PSG8: variants seen among roughly 807,000 people sequenced by gnomAD.
The protein encoded by PSG8 is pregnancy-specific beta-1-glycoprotein 8.
A neutral mutation model predicts 42.5 loss-of-function variants in PSG8; 57 were observed. That is an observed-to-expected ratio of 1.34 (90% CI 1.08 to 1.67). PSG8 has a LOEUF of 1.67. PSG8 is among the 40% of genes most tolerant of loss of function. The probability of loss-of-function intolerance (pLI) is 0.00; values close to 1 mark genes in which losing one functional copy is unlikely to be tolerated. For synonymous variants in PSG8, 280 were observed against 196.8 expected (o/e 1.42, Z -3.54); for missense variants, 783 against 518.6 (o/e 1.51, Z -4.95).
chr19:42,758,285 G>A lies in PSG8; in HGVS notation c.431-5C>T, dbSNP rs772486239. ...TGGAGGGCTTGGGAGTCTCCACTGT[G>A]CAGAAAACAGAGAGAAGATTGCCCT... On this transcript the variant is annotated splice_region_variant and splice_polypyrimidine_tract_variant and intron_variant, in intron 2 of 4. Coordinates refer to ENST00000306511, the MANE Select transcript of PSG8 (RefSeq NM_182707.3). 1.9e-6 allele frequency: 3 copies of A among 1,612,574 alleles called. No individual in the cohort carries two copies. Among genetic ancestry groups the A allele is most frequent in the East Asian group, 2.2e-5 (1 of 44,858 alleles).
downstream of PSG8, chr19:42,752,849 A>C (rs113347815): frequency 2.5e-4 from 51 of 200,014 alleles, no homozygotes; most frequent in East Asian, 1.1e-3. Context: ...AAACCATCTT[A>C]TCTGCAAACA....
At chr19:42,759,699 C>A (rs1970025788) in intron 2 of PSG8, among the ~76,000 whole-genome samples, 1 of 152,048 alleles carries the variant, frequency 6.6e-6, no homozygotes, top group Non-Finnish European at 1.5e-5. Context: ...GGAGTTTAGA[C>A]CTCATGTTAT....
At position 42,765,404 on chromosome 19, in the gene PSG8, A is replaced by C. The variant is rs144218198; in HGVS notation, c.64+114T>G. On this transcript the variant is annotated intron_variant, in intron 1 of 4. Transcript: ENST00000306511. ...CCTGATCTCATGATCCACCTGCCTC[A>C]GCCTCCCAAAGTGCTGGCTTCTTTC... 6.5e-3 allele frequency: 9,790 copies of C among 1,502,778 alleles called. 519 individuals are homozygous for C. In the African/African-American group the frequency reaches 0.12, roughly 18 times the overall value. 93.1% of individuals were successfully genotyped at this position (1,502,778 alleles called of 1,614,324 possible).
intron 1 of PSG8, 69 bp from the exon 2 acceptor site, chr19:42,764,350 G>A (rs951857120): frequency 1.3e-6 from 2 of 1,550,110 alleles, no homozygotes; most frequent in Non-Finnish European, 8.7e-7. Context: ...GGGGCCCTGG[G>A]TCCTGAGAAG....
intron 2 of PSG8, 40 bp from the exon 3 acceptor site, chr19:42,758,320 C>T (rs745881979): frequency 4.4e-6 from 7 of 1,594,544 alleles, no homozygotes; most frequent in African/African-American, 1.3e-5. Flanking sequence ...TGTGTGGCAC[C>T]TTTGATTCCT....
intron 2 of PSG8, among the ~76,000 whole-genome samples, chr19:42,763,131 C>T (rs1970119248): frequency 6.6e-6 from 1 of 152,160 alleles, no homozygotes; most frequent in African/African-American, 2.4e-5. Flanking sequence ...ACACAAATAG[C>T]ATTTATTATT....
chr19:42,757,215 G>T, intron 3 of PSG8, among the ~76,000 whole-genome samples: 1 of 151,988 alleles, frequency 6.6e-6, no homozygotes, highest in Admixed American at 6.6e-5. Context: ...TTTTGGAGCA[G>T]AAACATATTC....
intron 2 of PSG8, chr19:42,758,708 C>T (rs1347960832): frequency 9.6e-6 from 2 of 208,274 alleles, no homozygotes; most frequent in African/African-American, 2.3e-5. Flanking sequence ...CAAGGACATC[C>T]TAGAGATGGG....
chr19:42,759,478 T>G (rs1220870863), intron 2 of PSG8, among the ~76,000 whole-genome samples: 1 of 148,476 alleles, frequency 6.7e-6, no homozygotes, highest in African/African-American at 2.6e-5. Context: ...GGATTTCTAA[T>G]TTTTTTTTGT....
chr19:42,762,637 C>G (rs1339904503), intron 2 of PSG8, among the ~76,000 whole-genome samples: 1 of 151,870 alleles, frequency 6.6e-6, no homozygotes, highest in Non-Finnish European at 1.5e-5. Context: ...CTCCTTGATC[C>G]TCTCATGACA....
intron 3 of PSG8, among the ~76,000 whole-genome samples, chr19:42,757,693 A>G (rs1969961916): frequency 6.6e-6 from 1 of 152,198 alleles, no homozygotes; most frequent in African/African-American, 2.4e-5. Flanking sequence ...CTGTGAGCCA[A>G]GTCACAACAT....
Position 42,763,967 on chromosome 19 carries a change from C to T in PSG8, c.379G>A (p.Gly127Arg). 1 of 1,613,074 alleles carries T rather than the reference C, an allele frequency of 6.2e-7. No individual in the cohort carries two copies. Among genetic ancestry groups the T allele is most frequent in the East Asian group, 2.2e-5 (1 of 44,870 alleles). The stretch of plus-strand genomic sequence containing the variant: ...GTTACTCCTCTATTCTCATCACCTC[C>T]CATTATGATGTGTAAGGTGTAGGAT... ...AGSYTLHIIMGGDENRGVTGH... is the reference protein window; with the variant it reads ...AGSYTLHIIMRGDENRGVTGH... The change falls in exon 2 of 5, where the codon GGA (glycine) becomes AGA (arginine). Residue 127 changes from glycine (G) to arginine (R), a missense_variant. By Grantham distance (125) the Gly-to-Arg change is moderately radical (BLOSUM62 -2). Transcript: ENST00000306511.
rs7255419 is a variant in PSG8 at position 42,764,100 on chromosome 19, A to G, written c.246T>C (p.Tyr82=). The G allele has an allele frequency of 4.7e-4, 755 of 1,613,850 alleles. 4 individuals carry two copies. In the African/African-American group the frequency reaches 8.7e-3, roughly 19 times the overall value. The change falls in exon 2 of 5, where the codon TAT becomes TAC. Residue 82 remains tyrosine, a synonymous_variant. Coordinates refer to ENST00000306511, the MANE Select transcript of PSG8 (RefSeq NM_182707.3). ...ATATAATTATTTGACCGTCTACTAC[A>G]TATGATGTAATGTAATGGTAGAGGT... The part of the protein sequence containing the change: ...IRDLYHYITS[Y]VVDGQIIIYG...
rs766054201 is a variant in PSG8, at chr19:42,754,284, A to C, written c.*11T>G. On this transcript the variant is annotated 3_prime_UTR_variant, in exon 5 of 5. Coordinates refer to ENST00000306511, the MANE Select transcript of PSG8 (RefSeq NM_182707.3). ...TTCCTGACTCTTCCCTGAAGGCCAGATAGACTCCACCTAAATCCCTATTGC... is the reference window on the plus strand; with the variant it reads ...TTCCTGACTCTTCCCTGAAGGCCAGCTAGACTCCACCTAAATCCCTATTGC... The C allele has an allele frequency of 1.9e-6, 3 of 1,611,908 alleles. No homozygotes were observed. The highest frequency in any genetic ancestry group is 1.3e-5 in the African/African-American group (1 of 74,788).
At chr19:42,755,506 G>A in intron 3 of PSG8, 1 of 870,054 alleles carries the variant, frequency 1.1e-6, no homozygotes, top group Non-Finnish European at 1.7e-6. Context: ...CAGCAGTGTT[G>A]GGTCATGGAC....
chr19:42,757,900 A>G, intron 3 of PSG8, 102 bp downstream of exon 3: 1 of 1,612,138 alleles, frequency 6.2e-7, no homozygotes, highest in South Asian at 1.1e-5. Context: ...TCCAGGGGTA[A>G]AGGTCTCTGT....
At position 42,761,781 on chromosome 19, in the gene PSG8, C is replaced by T. The variant is rs556988754; in HGVS notation, c.430+2135G>A. ...TCCTCCTGTTTGGCAGACTTGGAGT[C>T]GTTAAAATCTTTCTTGACTAGAAAC... On this transcript the variant is annotated intron_variant, in intron 2 of 4. Coordinates refer to ENST00000306511, the MANE Select transcript of PSG8 (RefSeq NM_182707.3). 3.7e-4 allele frequency among the ~76,000 whole-genome samples: 52 copies of T among 140,268 alleles called. 1 individual carries two copies. The highest frequency in any genetic ancestry group is 9.5e-4 in the African/African-American group (36 of 37,818). 92.0% of individuals were successfully genotyped at this position (140,268 alleles called of 152,430 possible).
intron 3 of PSG8, among the ~76,000 whole-genome samples, chr19:42,756,593 G>C (rs1368195282): frequency 6.6e-6 from 1 of 151,984 alleles, no homozygotes; most frequent in East Asian, 1.9e-4. Context: ...GGCAAAAGTG[G>C]GAGGTGATAA....
chr19:42,755,534 T>A (rs1361246112), intron 3 of PSG8: 8 of 738,938 alleles, frequency 1.1e-5, no homozygotes, highest in Non-Finnish European at 1.6e-5. Context: ...TCAGTGGAAG[T>A]CACAGCCCCT....
Sources: allele counts gnomAD v4.1 joint callset (sites outside exome capture counted in the v4.1 genomes callset), GRCh38; gene constraint gnomAD v4.1.1; transcripts MANE v1.5; gene names NCBI Gene and HGNC (gene_info 2026-07-23, HGNC 2026-07-21).